The following IBTK variants were observed in gnomAD, a reference collection of about 807,000 sequenced individuals.
IBTK encodes the protein inhibitor of Bruton tyrosine kinase.
A neutral mutation model predicts 154.9 loss-of-function variants in IBTK; 83 were observed. That is an observed-to-expected ratio of 0.54 (90% CI 0.45 to 0.64). The LOEUF (loss-of-function observed/expected upper bound fraction) is 0.64. Among genes scored for constraint, IBTK ranks in the 30% least tolerant of loss-of-function variants. The pLI, the probability that IBTK is intolerant of heterozygous loss-of-function variation, is 0.00. For synonymous variants in IBTK, 515 were observed against 536.1 expected (o/e 0.96, Z 0.54); for missense variants, 1,332 against 1,584.6 (o/e 0.84, Z 2.71).
chr6:82,232,987 T>C (rs540885147), intron 3 of IBTK, among the ~76,000 whole-genome samples: 35 of 151,978 alleles, frequency 2.3e-4, no homozygotes, highest in Admixed American at 6.6e-4. Flanking sequence ...ACTGCATCTC[T>C]ACTAAAAATA....
In IBTK at chr6:82,174,268, C is replaced by T. The variant is rs192923372; in HGVS notation, c.3726-830G>A. ...GAGCATGTCAGGATTACTGTAGGTG[C>T]TAAAAATCAGGCTGATTAAAACCCA... On this transcript the variant is annotated intron_variant, in intron 26 of 28. Coordinates refer to ENST00000306270, the MANE Select transcript of IBTK (RefSeq NM_015525.4). 4.9e-4 allele frequency among the ~76,000 whole-genome samples: 74 copies of T among 152,176 alleles called. 1 individual carries two copies. Among genetic ancestry groups the T allele is most frequent in the African/African-American group, 1.7e-3 (69 of 41,536 alleles).
intron 19 of IBTK, 45 bp from the exon 20 acceptor site, chr6:82,200,753 G>GTTTTTTTTTTTTTTT: frequency 2.5e-6 from 1 of 392,562 alleles, no homozygotes; most frequent in South Asian, 3.3e-5. Flanking sequence ...AATCTGTGAA[G>GTTTTTTTTTTTTTTT]TTTTTTTTTT....
In IBTK at chr6:82,214,477, G is replaced by A; in HGVS notation, c.1954C>T (p.His652Tyr). 3 of 1,614,026 alleles carry A rather than the reference G, an allele frequency of 1.9e-6. No homozygotes were observed. Among genetic ancestry groups the A allele is most frequent in the Non-Finnish European group, 2.5e-6 (3 of 1,179,986 alleles). ...TATTCTTCTGGGTTTTTGTTTAAGT[G>A]TATTCTTGGTTTGAAGCCATGAGTT... ...FLTHGFKPRI[H>Y]LNKNPEEYQG... Residue 652 changes from histidine to tyrosine, a missense_variant, in exon 12 of 29, where the codon CAC becomes TAC. Coordinates refer to ENST00000306270, the MANE Select transcript of IBTK (RefSeq NM_015525.4).
At position 82,214,488 on chromosome 6, in the gene IBTK, T is replaced by G; in HGVS notation, c.1943A>C (p.Lys648Thr). 6.2e-7 allele frequency: 1 copy of G among 1,614,120 alleles called. No homozygotes were observed. The highest frequency in any genetic ancestry group is 8.5e-7 in the Non-Finnish European group (1 of 1,180,012). Residue 648 changes from lysine to threonine, a missense_variant, in exon 12 of 29, where the codon AAA becomes ACA. Physicochemically the swap from Lys to Thr is moderately conservative, Grantham distance 78. Transcript: ENST00000306270. The stretch of plus-strand genomic sequence containing the variant: ...GTTTTTGTTTAAGTGTATTCTTGGT[T>G]TGAAGCCATGAGTTAAAAAGTCACA... ...DTCDFLTHGF[K>T]PRIHLNKNPE...
Position 82,227,209 on chromosome 6 carries a change from C to T in IBTK, c.637G>A (p.Asp213Asn). 6.2e-7 allele frequency: 1 copy of T among 1,609,162 alleles called. No homozygotes were observed. Reference protein sequence around the residue: ...HGPGGRLGHGDEQTCLVPRLV... With the variant: ...HGPGGRLGHGNEQTCLVPRLV... ...TCAATTACCAAGCATGTCTGTTCAT[C>T]TCCATGTCCTAATCGCCCTCCAGGA... Residue 213 changes from aspartate (D) to asparagine (N), a missense_variant, in exon 5 of 29, where the codon GAT (aspartate) becomes AAT (asparagine). Around this residue, in one of 3 missense-constraint regions of IBTK, gnomAD observed 114 missense variants for 213.7 expected, o/e 0.53. Coordinates refer to ENST00000306270, the MANE Select transcript of IBTK (RefSeq NM_015525.4).
intron 6 of IBTK, among the ~76,000 whole-genome samples, 186 bp from the exon 7 acceptor site, chr6:82,224,371 A>G (rs1441407474): frequency 1.3e-5 from 2 of 152,232 alleles, no homozygotes; most frequent in Admixed American, 6.5e-5. Context: ...TCGGAACACA[A>G]AACATTGTGA....
Position 82,191,096 on chromosome 6 carries a change from T to C in IBTK, c.3552A>G (p.Lys1184=), listed in dbSNP as rs769724623. 5 of 1,580,200 alleles carry C rather than the reference T, an allele frequency of 3.2e-6. No homozygotes were observed. The Admixed American group carries it at 7.3e-5, about 23-fold the overall frequency. The change falls in exon 25 of 29, where the codon AAA becomes AAG. Residue 1184 remains lysine, a synonymous_variant. Coordinates refer to ENST00000306270, the MANE Select transcript of IBTK (RefSeq NM_015525.4). ...ACCATGCATTCACTGGTTTGGGGGC[T>C]TTTGAAGGAGTGAATAAAACTGTTT... ...SMETVLFTPS[K]APKPVNAWAS...
At chr6:82,208,139 T>G (rs998852096) in intron 16 of IBTK, among the ~76,000 whole-genome samples, 2 of 149,622 alleles carry the variant, frequency 1.3e-5, no homozygotes, top group South Asian at 2.1e-4. Context: ...AAAAAAAAGG[T>G]AATTATGTGA....
At chr6:82,240,880 A>C in intron 1 of IBTK, 37 bp from the exon 2 acceptor site, 1 of 404,856 alleles carries the variant, frequency 2.5e-6, no homozygotes, top group Non-Finnish European at 4.3e-6. Context: ...AAAATTCAAA[A>C]TCTGTCTCTC....
At chr6:82,174,610 AAC>A (rs769363384) in intron 26 of IBTK, among the ~76,000 whole-genome samples, 4 of 152,146 alleles carry the variant, frequency 2.6e-5, no homozygotes, top group Non-Finnish European at 5.9e-5. Flanking sequence ...GTTTAAAAGA[AAC>A]AATAGAGCCA....
At chr6:82,199,626 A>C (rs1769124622) in intron 21 of IBTK, among the ~76,000 whole-genome samples, 1 of 152,138 alleles carries the variant, frequency 6.6e-6, no homozygotes, top group South Asian at 2.1e-4. Flanking sequence ...CCAACCTCTA[A>C]ACCCCTATGC....
intron 26 of IBTK, among the ~76,000 whole-genome samples, chr6:82,178,629 T>C (rs760879832): frequency 4.6e-5 from 7 of 152,176 alleles, no homozygotes; most frequent in Non-Finnish European, 8.8e-5. Context: ...CTTGCTCTCA[T>C]TGAACATATA....
Position 82,240,334 on chromosome 6 carries a change from A to G in IBTK, c.153T>C (p.Phe51=), listed in dbSNP as rs774985402. Residue 51 remains phenylalanine, a synonymous_variant, in exon 2 of 29, where the codon TTT becomes TTC. Coordinates refer to ENST00000306270, the MANE Select transcript of IBTK (RefSeq NM_015525.4). ...CYNAATIKDV[F]GRNALHLVSS... ...AAACAAGGTGGAGGGCATTCCTGCCAAAAACATCCTTGATAGTTGCAGCAT... is the reference window on the plus strand; with the variant it reads ...AAACAAGGTGGAGGGCATTCCTGCCGAAAACATCCTTGATAGTTGCAGCAT... 2 of 1,614,218 alleles carry G rather than the reference A, an allele frequency of 1.2e-6. No homozygotes were observed. Among genetic ancestry groups the G allele is most frequent in the Non-Finnish European group, 1.7e-6 (2 of 1,180,028 alleles).
At chr6:82,210,093 TAA>T (rs970497813) in intron 16 of IBTK, among the ~76,000 whole-genome samples, 41 of 152,330 alleles carry the variant, frequency 2.7e-4, no homozygotes, top group Admixed American at 1.7e-3. Context: ...ATCTTGTAAC[TAA>T]AAGTTACTGT....
intron 1 of IBTK, among the ~76,000 whole-genome samples, chr6:82,243,575 GTAGCCCTCTTGGTTAGCAAA>G (rs1368777567): frequency 1.3e-5 from 2 of 152,180 alleles, no homozygotes; most frequent in African/African-American, 4.8e-5. Context: ...TAGTCACTGA[GTAGCCCTCTTGGTTAGCAAA>G]TTGTAAAAAC....
chr6:82,242,054 A>G (rs1770972621), intron 1 of IBTK, among the ~76,000 whole-genome samples: 1 of 152,240 alleles, frequency 6.6e-6, no homozygotes, highest in Admixed American at 6.5e-5. Context: ...GTACAAAAGT[A>G]GTTGCAGATT....
intron 1 of IBTK, among the ~76,000 whole-genome samples, chr6:82,244,951 C>T (rs901546606): frequency 3.3e-5 from 5 of 151,894 alleles, no homozygotes; most frequent in Non-Finnish European, 7.4e-5. Flanking sequence ...ATTGGGAATA[C>T]AAAAATAATT....
intron 27 of IBTK, chr6:82,172,756 C>T (rs1046523176): frequency 5.1e-6 from 2 of 392,828 alleles, no homozygotes; most frequent in South Asian, 4.6e-5. Context: ...CTACGATGAG[C>T]GAACCTGGAA....
chr6:82,216,146 T>C lies in IBTK; in HGVS notation c.1531A>G (p.Arg511Gly). 6.2e-7 allele frequency: 1 copy of C among 1,613,670 alleles called. No individual in the cohort carries two copies. The highest frequency in any genetic ancestry group is 8.5e-7 in the Non-Finnish European group (1 of 1,179,742). Residue 511 changes from arginine to glycine, a missense_variant, in exon 11 of 29, where the codon AGA becomes GGA. Physicochemically the swap from Arg to Gly is moderately radical, Grantham distance 125 (BLOSUM62 -2). Around this residue, in one of 3 missense-constraint regions of IBTK, gnomAD observed 1,134 missense variants for 1,274.7 expected, o/e 0.89. Coordinates refer to ENST00000306270, the MANE Select transcript of IBTK (RefSeq NM_015525.4). ...IRLEKLTFAHRAVSVSTDPSG... is the reference protein window; with the variant it reads ...IRLEKLTFAHGAVSVSTDPSG... ...GGATCTGTGCTGACACTAACAGCTC[T>C]ATGTGCAAAGGTAAGTTTCTCAAGT...
Sources: allele counts gnomAD v4.1 joint callset (sites outside exome capture counted in the v4.1 genomes callset), GRCh38; gene constraint gnomAD v4.1.1; regional missense constraint gnomAD v4.1.1; transcripts MANE v1.5; gene names NCBI Gene and HGNC (gene_info 2026-07-23, HGNC 2026-07-21).